SH3RF3: variants seen among roughly 807,000 people sequenced by gnomAD.
SH3RF3 encodes the protein SH3 domain containing ring finger 3.
SH3RF3 carries 29 observed loss-of-function variants against 66.3 expected under a neutral mutation model. The ratio of observed to expected loss-of-function variants is 0.44; its 90% CI spans 0.33 to 0.60. The LOEUF (loss-of-function observed/expected upper bound fraction) is 0.60. Ranked by LOEUF, SH3RF3 falls within the 20% of genes least tolerant of loss-of-function variation. SH3RF3 has a pLI of 0.04. For synonymous variants in SH3RF3, 583 were observed against 532.0 expected (o/e 1.10, Z -1.32); for missense variants, 1,194 against 1,190.9 (o/e 1.00, Z -0.04).
At chr2:109,366,905 G>T (rs1683160643) in intron 2 of SH3RF3, among the ~76,000 whole-genome samples, 1 of 152,168 alleles carries the variant, frequency 6.6e-6, no homozygotes, top group Admixed American at 6.5e-5. Context: ...TTGCTTTGTG[G>T]AAGGTAAGCT....
rs753301166 is a variant in SH3RF3 at position 109,398,880 on chromosome 2, C to T, written c.1236C>T (p.Ser412=). 2.9e-5 allele frequency: 47 copies of T among 1,613,804 alleles called. No homozygotes were observed. The highest frequency in any genetic ancestry group is 1.6e-4 in the Middle Eastern group (1 of 6,062). The change falls in exon 4 of 10, where the codon AGC becomes AGT. Residue 412 remains serine (S), a synonymous_variant. Transcript: ENST00000309415. The part of the protein sequence containing the change: ...EISAPVLISS[S]DPRAAARIGD... ...GTGCTCCAGTGTTGATCAGCTCCAG[C>T]GATCCCCGAGCCGCGGCCAGGATTG...
intron 1 of SH3RF3, among the ~76,000 whole-genome samples, chr2:109,341,034 C>T (rs992998842): frequency 1.1e-4 from 17 of 152,214 alleles, no homozygotes; most frequent in African/African-American, 2.4e-4. Flanking sequence ...GTAGTGGCCT[C>T]GTCACCCTGT....
At chr2:109,232,828 A>G (rs558546951) in intron 1 of SH3RF3, among the ~76,000 whole-genome samples, 15 of 152,284 alleles carry the variant, frequency 9.9e-5, no homozygotes, top group African/African-American at 3.4e-4. Context: ...CTAAATTTTA[A>G]TGCAAAATTT....
intron 3 of SH3RF3, among the ~76,000 whole-genome samples, chr2:109,392,795 G>A (rs1234111945): frequency 2.0e-5 from 3 of 152,062 alleles, no homozygotes; most frequent in Admixed American, 6.6e-5. Context: ...GATTACAGGC[G>A]TCAGCCACCA....
chr2:109,390,977 C>T (rs900159151), intron 3 of SH3RF3, among the ~76,000 whole-genome samples: 5 of 152,184 alleles, frequency 3.3e-5, no homozygotes, highest in Non-Finnish European at 7.4e-5. Context: ...TGGCCAACTG[C>T]CCCCAAGCAG....
At chr2:109,283,028 G>A (rs1362650683) in intron 1 of SH3RF3, among the ~76,000 whole-genome samples, 1 of 152,220 alleles carries the variant, frequency 6.6e-6, no homozygotes, top group African/African-American at 2.4e-5. Context: ...GGCAAGGACT[G>A]TGTGAACTGT....
In SH3RF3 at chr2:109,129,945, G is replaced by T; in HGVS notation, c.405G>T (p.Pro135=). The T allele has an allele frequency of 8.2e-6, 12 of 1,471,020 alleles. No homozygotes were observed. Among genetic ancestry groups the T allele is most frequent in the Non-Finnish European group, 9.8e-6 (11 of 1,118,116 alleles). 91.1% of individuals were successfully genotyped at this position (1,471,020 alleles called of 1,614,324 possible). A position where few individuals can be genotyped will look rare whatever the true frequency, so the allele number is the denominator to read the frequency against. ...PRAGTSPGGS[P]PARPIPGQSA... Reference sequence around the variant, plus strand: ...CGGGCACCAGCCCCGGCGGCAGCCCGCCCGCGCGTCCCATCCCAGGCCAGA... The same window carrying T: ...CGGGCACCAGCCCCGGCGGCAGCCCTCCCGCGCGTCCCATCCCAGGCCAGA... The change falls in exon 1 of 10, where the codon CCG becomes CCT. Residue 135 remains proline (P), a synonymous_variant. Transcript: ENST00000309415.
Position 109,155,080 on chromosome 2 carries a change from C to T in SH3RF3, c.573+24967C>T, listed in dbSNP as rs191937797. 2.5e-4 allele frequency among the ~76,000 whole-genome samples: 38 copies of T among 152,254 alleles called. No homozygotes were observed. The East Asian group carries it at 3.9e-3, about 15-fold the overall frequency. On this transcript the variant is annotated intron_variant, in intron 1 of 9. Coordinates refer to ENST00000309415, the MANE Select transcript of SH3RF3 (RefSeq NM_001099289.3). ...GGAAGCTGGGGCTCTGGCCTCCCTC[C>T]GGGCCAGGGCAAGGGTTCCATGAGC...
chr2:109,426,152 G>A (rs376177170), intron 5 of SH3RF3, among the ~76,000 whole-genome samples: 3 of 152,120 alleles, frequency 2.0e-5, no homozygotes, highest in African/African-American at 4.8e-5. Context: ...CAAGTGATCC[G>A]TCCGCCTTGG....
intron 4 of SH3RF3, among the ~76,000 whole-genome samples, chr2:109,408,654 C>T (rs1387544184): frequency 6.6e-6 from 1 of 152,238 alleles, no homozygotes; most frequent in Non-Finnish European, 1.5e-5. Flanking sequence ...CTGGCACTCT[C>T]AGACAGAAGG....
intron 1 of SH3RF3, among the ~76,000 whole-genome samples, chr2:109,272,141 C>T (rs542716818): frequency 1.3e-5 from 2 of 152,354 alleles, no homozygotes; most frequent in South Asian, 2.1e-4. Context: ...GGACTTATCC[C>T]TCCCTGGTCT....
intron 1 of SH3RF3, among the ~76,000 whole-genome samples, chr2:109,320,244 G>T (rs1333479104): frequency 6.6e-6 from 1 of 152,120 alleles, no homozygotes; most frequent in Non-Finnish European, 1.5e-5. Context: ...CTGCTTTCCG[G>T]GCAGAGGAGG....
At position 109,449,357 on chromosome 2, in the gene SH3RF3, A is replaced by G. The variant is rs371459314; in HGVS notation, c.2016A>G (p.Ala672=). ...CGGCCATCCCCCTCACATCAGCAGC[A>G]TCAGCCATCACACCTCCCAACGTCA... ...PRPAIPLTSA[A]SAITPPNVSA... is the part of the protein sequence containing the mutation. Residue 672 remains alanine (A), a synonymous_variant, in exon 8 of 10, where the codon GCA becomes GCG. Transcript: ENST00000309415. 2.5e-6 allele frequency: 4 copies of G among 1,608,922 alleles called. No individual in the cohort carries two copies. In the African/African-American group the frequency reaches 4.0e-5, roughly 16 times the overall value.
At chr2:109,269,788 T>G (rs1303459826) in intron 1 of SH3RF3, among the ~76,000 whole-genome samples, 2 of 152,142 alleles carry the variant, frequency 1.3e-5, no homozygotes, top group Non-Finnish European at 2.9e-5. Flanking sequence ...TGAGGGGAAC[T>G]GAAGATAGTT....
chr2:109,175,165 C>G (rs1677886914), intron 1 of SH3RF3, among the ~76,000 whole-genome samples: 1 of 152,162 alleles, frequency 6.6e-6, no homozygotes, highest in African/African-American at 2.4e-5. Flanking sequence ...CTGGTCCAGA[C>G]TAGAAATTGG....
At chr2:109,151,113 G>T (rs1260570462) in intron 1 of SH3RF3, among the ~76,000 whole-genome samples, 1 of 152,230 alleles carries the variant, frequency 6.6e-6, no homozygotes, top group Non-Finnish European at 1.5e-5. Context: ...TGCATTTGGT[G>T]AGGGGTGGTG....
chr2:109,439,759 C>T (rs1677508955), intron 7 of SH3RF3, among the ~76,000 whole-genome samples: 1 of 152,070 alleles, frequency 6.6e-6, no homozygotes, highest in East Asian at 1.9e-4. Flanking sequence ...GAGCTAGATA[C>T]AGGCAAGGCA....
intron 1 of SH3RF3, among the ~76,000 whole-genome samples, chr2:109,219,060 G>A (rs1238680377): frequency 1.3e-5 from 2 of 152,094 alleles, no homozygotes. Context: ...TCATTTAGCT[G>A]ACCTTAATTT....
chr2:109,194,518 GGGCATTT>G (rs1283703473), intron 1 of SH3RF3, among the ~76,000 whole-genome samples: 1 of 152,244 alleles, frequency 6.6e-6, no homozygotes, highest in Non-Finnish European at 1.5e-5. Flanking sequence ...TGAGGAGGAG[GGGCATTT>G]GCTCCAGCAG....
Sources: allele counts gnomAD v4.1 joint callset (sites outside exome capture counted in the v4.1 genomes callset), GRCh38; gene constraint gnomAD v4.1.1; transcripts MANE v1.5; gene names NCBI Gene and HGNC (gene_info 2026-07-23, HGNC 2026-07-21).